The following PTBP1 variants were observed in gnomAD, a reference collection of about 807,000 sequenced individuals.
PTBP1 encodes the protein polypyrimidine tract-binding protein 1.
A neutral mutation model predicts 59.8 loss-of-function variants in PTBP1; 8 were observed. The observed-to-expected ratio is 0.13, with a 90% CI of 0.08 to 0.24. PTBP1 has a LOEUF of 0.24. Ranked by LOEUF, PTBP1 falls within the 10% of genes least tolerant of loss-of-function variation. The pLI, the probability that PTBP1 is intolerant of heterozygous loss-of-function variation, is 1.00. For missense variants in PTBP1, 686 were observed against 767.0 expected (o/e 0.89, Z 1.25); for synonymous variants, 490 against 320.7 (o/e 1.53, Z -5.64).
At chr19:803,927 G>T in intron 3 of PTBP1, 109 bp from the exon 4 acceptor site, 1 of 1,310,718 alleles carries the variant, frequency 7.6e-7, no homozygotes. Context: ...ACCCTCCTGG[G>T]GCTCAGGGTT....
In PTBP1 at chr19:805,422, A is replaced by G. The variant is rs1599231910; in HGVS notation, c.893-70A>G. 4.8e-6 allele frequency: 7 copies of G among 1,469,094 alleles called. No homozygotes were observed. The East Asian group carries it at 6.8e-5, about 14-fold the overall frequency. 91.0% of individuals were successfully genotyped at this position (1,469,094 alleles called of 1,614,324 possible). On this transcript the variant is annotated intron_variant, in intron 8 of 14. Transcript: ENST00000356948. ...CCGCCCGCCGGCCGGGTTGGGGCCC[A>G]TCCCGCAGCACAGCGCCCGCTCGCG...
intron 2 of PTBP1, 147 bp downstream of exon 2, chr19:799,590 C>A: frequency 2.4e-6 from 2 of 847,340 alleles, no homozygotes; most frequent in Non-Finnish European, 4.0e-6. Context: ...TGGAGTTGGG[C>A]GGTAGGGTTT....
In PTBP1 at chr19:805,220, A is replaced by G. The variant is rs201484845; in HGVS notation, c.892+33A>G. 3.7e-6 allele frequency: 6 copies of G among 1,609,512 alleles called. No homozygotes were observed. In the East Asian group the frequency reaches 8.9e-5, roughly 24 times the overall value. On this transcript the variant is annotated intron_variant, in intron 8 of 14. Transcript: ENST00000356948. ...GCTGCCCGACGCGGCGCCAGTGTGC[A>G]GAGTGGTCTATTAGGGCCGCTCAGT...
At chr19:810,273 TC>T (rs535032829) in intron 13 of PTBP1, among the ~76,000 whole-genome samples, 1 of 152,018 alleles carries the variant, frequency 6.6e-6, no homozygotes, top group Non-Finnish European at 1.5e-5. Context: ...GCCACTGTGC[TC>T]CCGCCTGGGC....
chr19:804,523 C>G lies in PTBP1; in HGVS notation c.436-9C>G. ...AGGGGCCGGGGACTCACGGCTGTGCCTCCCACAGCGGGCCCAGGCGGCCCT... is the reference window on the plus strand; with the variant it reads ...AGGGGCCGGGGACTCACGGCTGTGCGTCCCACAGCGGGCCCAGGCGGCCCT... On this transcript the variant is annotated splice_polypyrimidine_tract_variant and intron_variant, in intron 5 of 14. Coordinates refer to ENST00000356948, the MANE Select transcript of PTBP1 (RefSeq NM_002819.5). 1.9e-6 allele frequency: 3 copies of G among 1,598,956 alleles called. No individual in the cohort carries two copies. The highest frequency in any genetic ancestry group is 2.2e-5 in the East Asian group (1 of 44,732).
At chr19:802,639 G>A (rs1475822221) in intron 2 of PTBP1, among the ~76,000 whole-genome samples, 3 of 152,118 alleles carry the variant, frequency 2.0e-5, no homozygotes, top group Admixed American at 6.5e-5. Flanking sequence ...GCAGAGGCTC[G>A]CTTTGCAGAC....
chr19:801,791 A>T (rs1040721025), intron 2 of PTBP1, among the ~76,000 whole-genome samples: 6 of 151,956 alleles, frequency 3.9e-5, no homozygotes, highest in Non-Finnish European at 7.4e-5. Flanking sequence ...GTGTTTTCTG[A>T]TCGCGTGGTT....
chr19:801,916 T>C (rs2034353590), intron 2 of PTBP1, among the ~76,000 whole-genome samples: 1 of 152,110 alleles, frequency 6.6e-6, no homozygotes, highest in African/African-American at 2.4e-5. Context: ...CTGTTTTCAG[T>C]ATTTGGCTTC....
intron 10 of PTBP1, chr19:807,279 A>G (rs2034627370): frequency 6.5e-6 from 1 of 153,032 alleles, no homozygotes; most frequent in East Asian, 1.9e-4. Context: ...CTTGTGCCAC[A>G]GCTGCGGGAG....
rs2034665626 is a variant in PTBP1 at position 808,192 on chromosome 19, C to T, written c.1154-168C>T. 4 of 666,048 alleles carry T rather than the reference C, an allele frequency of 6.0e-6. No individual in the cohort carries two copies. The highest frequency in any genetic ancestry group is 1.8e-5 in the African/African-American group (1 of 55,010). The allele number at this position is 666,048 out of a possible 1,614,324, so 41.3% of individuals were successfully genotyped here. On this transcript the variant is annotated intron_variant, in intron 11 of 14. Transcript: ENST00000356948. The surrounding 1 kb of genome is among the most constrained non-coding windows in gnomAD (Gnocchi z 4.7). ...GCTATGACTTTGCTGAACGGAGCTG[C>T]TCCTGTTAGCGCGCCCTGTGGCTGC...
At chr19:805,222 AG>A (rs1175602058) in intron 8 of PTBP1, 35 bp downstream of exon 8, 1 of 1,609,264 alleles carries the variant, frequency 6.2e-7, no homozygotes, top group Admixed American at 1.7e-5. Flanking sequence ...CAGTGTGCAG[AG>A]TGGTCTATTA....
At position 803,644 on chromosome 19, in the gene PTBP1, CGGGACTCGGCCCAGG is replaced by C; in HGVS notation, c.115+10_115+24del. On this transcript the variant is annotated intron_variant, in intron 3 of 14. Coordinates refer to ENST00000356948, the MANE Select transcript of PTBP1 (RefSeq NM_002819.5). ...GCAACTCGGCTTCTGCAGGTAAGGC[CGGGACTCGGCCCAGG>C]GCAAGACCCGTGGGTGTCTTTCCCT... is the stretch of plus-strand genomic sequence containing the variant. The C allele has an allele frequency of 6.2e-7, 1 of 1,613,314 alleles. No individual in the cohort carries two copies.
intron 10 of PTBP1, chr19:807,659 TAAAC>T (rs1050906296): frequency 8.4e-5 from 42 of 500,536 alleles, no homozygotes; most frequent in Middle Eastern, 5.0e-4. Flanking sequence ...AACAAAAACA[TAAAC>T]AAATAAAAAA....
Position 804,300 on chromosome 19 carries a change from C to T in PTBP1, c.297C>T (p.Ile99=), listed in dbSNP as rs777095447. 1.3e-5 allele frequency: 21 copies of T among 1,613,620 alleles called. No individual in the cohort carries two copies. The highest frequency in any genetic ancestry group is 3.3e-5 in the Admixed American group (2 of 59,968). The change falls in exon 5 of 15, where the codon ATC becomes ATT. Residue 99 remains isoleucine, a synonymous_variant. Coordinates refer to ENST00000356948, the MANE Select transcript of PTBP1 (RefSeq NM_002819.5). The part of the protein sequence containing the change: ...LMLKGKNQAF[I]EMNTEEAANT... ...CACTGCCTCCCCAACAGGCCTTCAT[C>T]GAGATGAACACGGAGGAGGCTGCCA...
In PTBP1 at chr19:808,885, C is replaced by A; in HGVS notation, c.1463+123C>A. The A allele has an allele frequency of 1.1e-6, 1 of 911,000 alleles. No individual in the cohort carries two copies. Among genetic ancestry groups the A allele is most frequent in the Non-Finnish European group, 1.7e-6 (1 of 589,782 alleles). 56.4% of individuals were successfully genotyped at this position (911,000 alleles called of 1,614,324 possible). ...AGTGCAGGTCGGGCACCTCTTACCC[C>A]AAACCTGAAGTACTGCAAGGCCTGG... On this transcript the variant is annotated intron_variant, in intron 13 of 14. Coordinates refer to ENST00000356948, the MANE Select transcript of PTBP1 (RefSeq NM_002819.5). This position sits in a 1 kb window ranked among gnomAD's most constrained non-coding sequence, Gnocchi z 4.7.
chr19:805,243 A>G, intron 8 of PTBP1, 56 bp downstream of exon 8: 2 of 1,582,204 alleles, frequency 1.3e-6, no homozygotes, highest in Non-Finnish European at 1.7e-6. Flanking sequence ...AGGGCCGCTC[A>G]GTCCGGAGCC....
At position 811,106 on chromosome 19, in the gene PTBP1, C is replaced by A. The variant is rs991651968; in HGVS notation, c.*280C>A. 4 of 330,502 alleles carry A rather than the reference C, an allele frequency of 1.2e-5. No homozygotes were observed. Among genetic ancestry groups the A allele is most frequent in the African/African-American group, 6.5e-5 (3 of 46,482 alleles). The allele number at this position is 330,502 out of a possible 1,614,324, so 20.5% of individuals were successfully genotyped here. On this transcript the variant is annotated 3_prime_UTR_variant, in exon 15 of 15. Transcript: ENST00000356948. ...GGCCATGCCTTGGTGGGGCCTGTGT[C>A]GGGCGTGGGGCCTGCAGGTGGGCGC...
intron 10 of PTBP1, chr19:807,182 G>T (rs1354559468): frequency 6.6e-6 from 1 of 152,398 alleles, no homozygotes; most frequent in African/African-American, 2.4e-5. Context: ...CACGAGCCGG[G>T]TGCTGTCCCT....
At position 811,950 on chromosome 19, in the gene PTBP1, C is replaced by T. The variant is rs191858699; in HGVS notation, c.*1124C>T. On this transcript the variant is annotated 3_prime_UTR_variant, in exon 15 of 15. Coordinates refer to ENST00000356948, the MANE Select transcript of PTBP1 (RefSeq NM_002819.5). ...TGTCTTCTCTGTGCTCTTTCTACCG[C>T]CCCCGCGTCCTGTCCCGGGGGCTCT... 2.0e-5 allele frequency: 3 copies of T among 152,510 alleles called. No homozygotes were observed. Among genetic ancestry groups the T allele is most frequent in the Admixed American group, 1.3e-4 (2 of 15,294 alleles). The allele number at this position is 152,510 out of a possible 1,614,324, so 9.4% of individuals were successfully genotyped here. A position where few individuals can be genotyped will look rare whatever the true frequency, so the allele number is the denominator to read the frequency against.
Sources: allele counts gnomAD v4.1 joint callset (sites outside exome capture counted in the v4.1 genomes callset), GRCh38; gene constraint gnomAD v4.1.1; non-coding constraint Gnocchi (gnomAD v3.1); transcripts MANE v1.5; gene names NCBI Gene and HGNC (gene_info 2026-07-23, HGNC 2026-07-21).